The following RAPGEF4 variants were observed in gnomAD, a reference collection of about 807,000 sequenced individuals.
The protein encoded by RAPGEF4 is RAP guanine-nucleotide-exchange factor (GEF) 4.
In RAPGEF4, 66 loss-of-function variants were observed where a neutral mutation model predicts 147.9. That is an observed-to-expected ratio of 0.45 (90% confidence interval 0.37 to 0.55). The LOEUF (loss-of-function observed/expected upper bound fraction) is 0.55, where lower values mean the gene tolerates loss of function less well. RAPGEF4 is among the 20% of genes least tolerant of loss of function. The pLI, the probability that RAPGEF4 is intolerant of heterozygous loss-of-function variation, is 0.00. For missense variants in RAPGEF4, 1,071 were observed against 1,257.3 expected (o/e 0.85, Z 2.24); for synonymous variants, 419 against 442.7 (o/e 0.95, Z 0.67).
At chr2:172,913,095 C>G (rs1255147710) in intron 4 of RAPGEF4, among the ~76,000 whole-genome samples, 1 of 151,958 alleles carries the variant, frequency 6.6e-6, no homozygotes, top group African/African-American at 2.4e-5. Flanking sequence ...GGGGTTTCAC[C>G]ATGTTGGCCA....
chr2:172,885,912 C>T (rs1193284873), intron 4 of RAPGEF4, among the ~76,000 whole-genome samples: 2 of 152,122 alleles, frequency 1.3e-5, no homozygotes, highest in African/African-American at 4.8e-5. Flanking sequence ...GTCCCAGATC[C>T]CTAATGCATC....
chr2:172,877,193 G>A (rs1324493145), intron 4 of RAPGEF4, among the ~76,000 whole-genome samples: 2 of 152,154 alleles, frequency 1.3e-5, no homozygotes, highest in Admixed American at 6.5e-5. Flanking sequence ...CATAAAAAAG[G>A]ATGAGTTCAT....
At chr2:172,851,367 A>G (rs2884346) in intron 4 of RAPGEF4, among the ~76,000 whole-genome samples, 83,684 of 151,930 alleles carry the variant, frequency 0.55, 23,356 homozygotes, top group African/African-American at 0.59. Context: ...TGTGTGGTCA[A>G]TTTTAGAGTA....
At chr2:172,865,203 C>T (rs1043758138) in intron 4 of RAPGEF4, among the ~76,000 whole-genome samples, 2 of 152,202 alleles carry the variant, frequency 1.3e-5, no homozygotes, top group African/African-American at 4.8e-5. Flanking sequence ...TACCTATTCT[C>T]CTAATGCATT....
At chr2:172,945,711 C>T (rs1183691563) in intron 6 of RAPGEF4, among the ~76,000 whole-genome samples, 1 of 152,078 alleles carries the variant, frequency 6.6e-6, no homozygotes, top group South Asian at 2.1e-4. Flanking sequence ...GTTTACATAG[C>T]ATGCATTTAA....
intron 11 of RAPGEF4, among the ~76,000 whole-genome samples, chr2:172,984,077 C>G (rs1301943766): frequency 6.6e-6 from 1 of 152,142 alleles, no homozygotes; most frequent in African/African-American, 2.4e-5. Flanking sequence ...TAACACCACC[C>G]ACTAATAAAA....
chr2:172,946,046 C>G (rs1047823675), intron 6 of RAPGEF4, among the ~76,000 whole-genome samples: 1 of 151,702 alleles, frequency 6.6e-6, no homozygotes, highest in Non-Finnish European at 1.5e-5. Flanking sequence ...CATATTAATA[C>G]TACTAGCAAA....
chr2:172,811,513 G>A (rs970348285), intron 3 of RAPGEF4, among the ~76,000 whole-genome samples: 1 of 152,208 alleles, frequency 6.6e-6, no homozygotes, highest in Non-Finnish European at 1.5e-5. Flanking sequence ...ATCTGCAAAT[G>A]AGCAGAAAAT....
At chr2:172,814,473 A>C (rs1251041573) in intron 4 of RAPGEF4, 48 bp downstream of exon 4, 1 of 1,592,682 alleles carries the variant, frequency 6.3e-7, no homozygotes, top group South Asian at 1.1e-5. Flanking sequence ...CAGAAAAGAA[A>C]GGGAGCTGCC....
intron 29 of RAPGEF4, among the ~76,000 whole-genome samples, chr2:173,045,120 A>C (rs1279395264): frequency 6.6e-6 from 1 of 152,232 alleles, no homozygotes; most frequent in Non-Finnish European, 1.5e-5. Flanking sequence ...TACCGTCAAA[A>C]ATAACATAGG....
At chr2:173,005,650 G>A (rs1305081619) in intron 17 of RAPGEF4, among the ~76,000 whole-genome samples, 2 of 150,380 alleles carry the variant, frequency 1.3e-5, no homozygotes, top group Non-Finnish European at 1.5e-5. Flanking sequence ...AGCCTCCCGA[G>A]TAGCTGGAAC....
At position 172,864,909 on chromosome 2, in the gene RAPGEF4, A is replaced by T. The variant is rs149330481; in HGVS notation, c.444+50484A>T. ...CATGGAGTTAGACTCTGTCTCAAAAACAAACAAAACAGAAACAAAATCCAA... is the reference window on the plus strand; with the variant it reads ...CATGGAGTTAGACTCTGTCTCAAAATCAAACAAAACAGAAACAAAATCCAA... On this transcript the variant is annotated intron_variant, in intron 4 of 30. Coordinates refer to ENST00000397081, the MANE Select transcript of RAPGEF4 (RefSeq NM_007023.4). Among the ~76,000 whole-genome samples, 118 of 152,356 alleles carry T rather than the reference A, an allele frequency of 7.7e-4. 1 individual carries two copies. Among genetic ancestry groups the T allele is most frequent in the Middle Eastern group, 6.8e-3 (2 of 294 alleles).
chr2:172,926,792 G>A (rs1029752845), intron 6 of RAPGEF4, among the ~76,000 whole-genome samples: 5 of 152,190 alleles, frequency 3.3e-5, no homozygotes, highest in African/African-American at 7.2e-5. Context: ...GGATGGTCTC[G>A]ATCTCTTGAC....
At chr2:172,960,710 C>A (rs775370223) in intron 6 of RAPGEF4, 50 bp from the exon 7 acceptor site, 12 of 1,373,078 alleles carry the variant, frequency 8.7e-6, no homozygotes, top group South Asian at 1.3e-5. Flanking sequence ...TAATTTTCTT[C>A]AGTGAACTTT....
chr2:172,773,039 A>T (rs1490523730), intron 1 of RAPGEF4, among the ~76,000 whole-genome samples: 2 of 152,202 alleles, frequency 1.3e-5, no homozygotes, highest in African/African-American at 4.8e-5. Flanking sequence ...TTCATTAACT[A>T]ATCTTGGCCC....
intron 16 of RAPGEF4, among the ~76,000 whole-genome samples, chr2:172,999,266 T>C (rs1264543608): frequency 6.6e-6 from 1 of 152,192 alleles, no homozygotes; most frequent in Non-Finnish European, 1.5e-5. Context: ...CTACAAGTAA[T>C]GTTTATGCCT....
At chr2:172,811,179 C>T (rs2149594653) in intron 3 of RAPGEF4, among the ~76,000 whole-genome samples, 1 of 152,340 alleles carries the variant, frequency 6.6e-6, no homozygotes, top group African/African-American at 2.4e-5. Context: ...GCCTAGCACT[C>T]TGCCCTCAGG....
At chr2:172,999,333 C>T (rs1255854918) in intron 16 of RAPGEF4, among the ~76,000 whole-genome samples, 1 of 152,168 alleles carries the variant, frequency 6.6e-6, no homozygotes, top group Non-Finnish European at 1.5e-5. Context: ...AAATGTGCCT[C>T]CCTCCTGTCC....
In RAPGEF4 at chr2:172,850,441, C is replaced by A. The variant is rs536326461; in HGVS notation, c.444+36016C>A. ...GACCACCCTGGCTAACACGGTGAAACCCCATCTCTACTAAAAATATTAAAA... is the reference window on the plus strand; with the variant it reads ...GACCACCCTGGCTAACACGGTGAAAACCCATCTCTACTAAAAATATTAAAA... On this transcript the variant is annotated intron_variant, in intron 4 of 30. Coordinates refer to ENST00000397081, the MANE Select transcript of RAPGEF4 (RefSeq NM_007023.4). Among the ~76,000 whole-genome samples, 9 of 152,032 alleles carry A rather than the reference C, an allele frequency of 5.9e-5. No homozygotes were observed. In the East Asian group the frequency reaches 1.7e-3, roughly 29 times the overall value.
Sources: allele counts gnomAD v4.1 joint callset (sites outside exome capture counted in the v4.1 genomes callset), GRCh38; gene constraint gnomAD v4.1.1; transcripts MANE v1.5; gene names NCBI Gene and HGNC (gene_info 2026-07-23, HGNC 2026-07-21).